HDAC9: variants seen among roughly 807,000 people sequenced by gnomAD.
HDAC9 encodes the protein histone deacetylase 9, also known as MEF-2 interacting transcription repressor (MITR) protein.
HDAC9 carries 41 observed loss-of-function variants against 139.4 expected under a neutral mutation model. The ratio of observed to expected loss-of-function variants is 0.29; its 90% CI spans 0.23 to 0.38. The LOEUF (loss-of-function observed/expected upper bound fraction) is 0.38, where lower values mean the gene tolerates loss of function less well. Among genes scored for constraint, HDAC9 ranks in the 10% least tolerant of loss-of-function variants. The pLI is 1.00. For missense variants in HDAC9, 1,147 were observed against 1,297.0 expected (o/e 0.88, Z 1.78); for synonymous variants, 517 against 476.2 (o/e 1.09, Z -1.12).
At chr7:18,443,043 G>A (rs555798395) in intron 1 of HDAC9, among the ~76,000 whole-genome samples, 1 of 152,116 alleles carries the variant, frequency 6.6e-6, no homozygotes, top group East Asian at 1.9e-4. Flanking sequence ...ATTTGCTAGG[G>A]TATCATAAAC....
At chr7:18,103,029 G>A (rs1782949536) in intron 1 of HDAC9, among the ~76,000 whole-genome samples, 1 of 152,184 alleles carries the variant, frequency 6.6e-6, no homozygotes, top group African/African-American at 2.4e-5. Flanking sequence ...TGAGGTTTAA[G>A]GGACTCACAG....
At chr7:18,634,255 G>A (rs1040117493) in intron 7 of HDAC9, among the ~76,000 whole-genome samples, 4 of 151,680 alleles carry the variant, frequency 2.6e-5, no homozygotes, top group African/African-American at 9.7e-5. Context: ...GTCTTTTGAT[G>A]TGCACAAGTT....
At chr7:18,858,347 C>A (rs905207963) in intron 21 of HDAC9, among the ~76,000 whole-genome samples, 4 of 152,160 alleles carry the variant, frequency 2.6e-5, no homozygotes, top group Admixed American at 2.0e-4. Context: ...AGGAAACTTA[C>A]AATCATGGTG....
At chr7:18,468,071 C>T (rs1240674231) in intron 1 of HDAC9, among the ~76,000 whole-genome samples, 2 of 152,142 alleles carry the variant, frequency 1.3e-5, no homozygotes, top group African/African-American at 4.8e-5. Context: ...GCAGAGGGTA[C>T]ATATCAATAT....
intron 13 of HDAC9, among the ~76,000 whole-genome samples, chr7:18,734,528 C>G (rs1471852861): frequency 2.6e-5 from 4 of 151,962 alleles, no homozygotes; most frequent in Non-Finnish European, 4.4e-5. Flanking sequence ...TGGTTTCCAG[C>G]TTCCAGCTTC....
At chr7:18,357,024 G>A (rs143742819) in intron 1 of HDAC9, among the ~76,000 whole-genome samples, 1 of 152,224 alleles carries the variant, frequency 6.6e-6, no homozygotes, top group African/African-American at 2.4e-5. Context: ...TTTAAGAAAT[G>A]CCTTACCTCT....
At chr7:18,932,089 C>T (rs550292901) in intron 22 of HDAC9, among the ~76,000 whole-genome samples, 42 of 152,138 alleles carry the variant, frequency 2.8e-4, no homozygotes, top group Non-Finnish European at 4.3e-4. Flanking sequence ...GGATATGGAA[C>T]TTGCTGTACT....
chr7:18,235,997 G>C (rs985558851), intron 2 of HDAC9, among the ~76,000 whole-genome samples: 3 of 152,186 alleles, frequency 2.0e-5, no homozygotes, highest in African/African-American at 7.2e-5. Flanking sequence ...GCATTATACT[G>C]TATGAATCAT....
chr7:18,707,016 G>A (rs1783980098), intron 12 of HDAC9, among the ~76,000 whole-genome samples: 1 of 152,138 alleles, frequency 6.6e-6, no homozygotes, highest in Admixed American at 6.5e-5. Context: ...TGAACAATGA[G>A]GCACTGGTTA....
chr7:18,303,679 G>A (rs1042438923), intron 1 of HDAC9, among the ~76,000 whole-genome samples: 8 of 152,170 alleles, frequency 5.3e-5, no homozygotes, highest in African/African-American at 1.7e-4. Flanking sequence ...GGCCAGCTAG[G>A]CACTATGACT....
intron 22 of HDAC9, among the ~76,000 whole-genome samples, chr7:18,888,379 C>T (rs1474057105): frequency 2.6e-5 from 4 of 152,152 alleles, no homozygotes; most frequent in African/African-American, 9.7e-5. Context: ...GAGCCGAGAG[C>T]GTGTCACTGC....
chr7:18,928,952 A>G (rs1388790170), intron 22 of HDAC9, among the ~76,000 whole-genome samples: 1 of 152,008 alleles, frequency 6.6e-6, no homozygotes, highest in East Asian at 1.9e-4. Context: ...CGAGAATGCA[A>G]TAATTTTGGT....
chr7:18,224,409 G>T (rs776226526), intron 2 of HDAC9, among the ~76,000 whole-genome samples: 1 of 152,140 alleles, frequency 6.6e-6, no homozygotes, highest in African/African-American at 2.4e-5. Context: ...AACCATAGTG[G>T]TCCTTAGGGG....
In HDAC9 at chr7:18,555,650, A is replaced by C. The variant is rs976747222; in HGVS notation, c.23-29631A>C. ...TATACTGGATCTTAGCAATGCTAAC[A>C]TCTGGGTATTAGGAATTGGTGTTGA... On this transcript the variant is annotated intron_variant, in intron 2 of 25. Transcript: ENST00000686413. Among the ~76,000 whole-genome samples the C allele has an allele frequency of 2.0e-5, 3 of 152,264 alleles. No homozygotes were observed. In the South Asian group the frequency reaches 6.2e-4, roughly 32 times the overall value.
At chr7:18,687,870 T>C (rs1053730522) in intron 12 of HDAC9, among the ~76,000 whole-genome samples, 8 of 151,846 alleles carry the variant, frequency 5.3e-5, no homozygotes, top group Non-Finnish European at 8.8e-5. Context: ...ATAATAAAGA[T>C]TGTTTTAGTC....
chr7:18,290,409 C>T (rs913164085), upstream of HDAC9: 2 of 453,086 alleles, frequency 4.4e-6, no homozygotes, highest in African/African-American at 2.0e-5. Flanking sequence ...ACTTCCCTTC[C>T]TTGTGGCTCT....
At chr7:18,930,256 C>A (rs1306350622) in intron 22 of HDAC9, among the ~76,000 whole-genome samples, 1 of 152,150 alleles carries the variant, frequency 6.6e-6, no homozygotes, top group Admixed American at 6.5e-5. Context: ...CTTAGCCCAT[C>A]AGCCCTCACA....
intron 2 of HDAC9, among the ~76,000 whole-genome samples, chr7:18,557,063 C>G (rs1234657196): frequency 6.6e-6 from 1 of 151,892 alleles, no homozygotes; most frequent in Non-Finnish European, 1.5e-5. Context: ...TCAGTAGATT[C>G]AAGAGGAATT....
intron 11 of HDAC9, among the ~76,000 whole-genome samples, chr7:18,652,016 A>G (rs1789434401): frequency 6.6e-6 from 1 of 152,192 alleles, no homozygotes; most frequent in South Asian, 2.1e-4. Flanking sequence ...GAGAAGTTTA[A>G]TCATAAAGAA....
Sources: gnomAD v4.1 joint callset for allele counts (sites outside exome capture counted in the v4.1 genomes callset) on GRCh38, gnomAD v4.1.1 for gene constraint, MANE v1.5 for transcripts, NCBI Gene and HGNC (gene_info 2026-07-23, HGNC 2026-07-21) for gene names.